GPBAR1: variants seen among roughly 807,000 people sequenced by gnomAD.
The protein encoded by GPBAR1 is G-protein coupled bile acid receptor 1.
In GPBAR1, 13 loss-of-function variants were observed where a neutral mutation model predicts 13.0. That is an observed-to-expected ratio of 1.00 (90% CI 0.65 to 1.59). The LOEUF (loss-of-function observed/expected upper bound fraction) is 1.59, where lower values mean the gene tolerates loss of function less well. GPBAR1 is among the 40% of genes most tolerant of loss of function. GPBAR1 has a pLI of 0.00. For missense variants in GPBAR1, 398 were observed against 436.4 expected (o/e 0.91, Z 0.78); for synonymous variants, 193 against 205.2 (o/e 0.94, Z 0.51).
chr2:218,263,814 C>A lies in GPBAR1; in HGVS notation c.*97C>A. Reference sequence around the variant, plus strand: ...CCACTTCTCTGGATCAGAGACCCTGCCTCTGTTTGACCCCGCACTGACTGA... The same window carrying A: ...CCACTTCTCTGGATCAGAGACCCTGACTCTGTTTGACCCCGCACTGACTGA... On this transcript the variant is annotated 3_prime_UTR_variant, in exon 2 of 2. Coordinates refer to ENST00000519574, the MANE Select transcript of GPBAR1 (RefSeq NM_170699.3). The surrounding 1 kb of genome is among the most constrained non-coding windows in gnomAD (Gnocchi z 4.2). 7.0e-7 allele frequency: 1 copy of A among 1,425,250 alleles called. No homozygotes were observed. Among genetic ancestry groups the A allele is most frequent in the Non-Finnish European group, 9.9e-7 (1 of 1,011,478 alleles). 88.3% of individuals were successfully genotyped at this position (1,425,250 alleles called of 1,614,324 possible).
chr2:218,263,573 C>A lies in GPBAR1; in HGVS notation c.849C>A (p.Gly283=). Residue 283 remains glycine, a synonymous_variant, in exon 2 of 2, where the codon GGC becomes GGA. Coordinates refer to ENST00000519574, the MANE Select transcript of GPBAR1 (RefSeq NM_170699.3). This position sits in a 1 kb window ranked among gnomAD's most constrained non-coding sequence, Gnocchi z 4.2. ...AAAVPVAMGL[G]DQRYTAPWRA... ...CAGTGCCCGTAGCCATGGGGCTGGG[C>A]GATCAGCGCTACACAGCCCCCTGGA... 1.2e-6 allele frequency: 2 copies of A among 1,612,468 alleles called. No homozygotes were observed.
chr2:218,263,504 G>A lies in GPBAR1; in HGVS notation c.780G>A (p.Gly260=), dbSNP rs559026699. Residue 260 remains glycine, a synonymous_variant, in exon 2 of 2, where the codon GGG becomes GGA. Coordinates refer to ENST00000519574, the MANE Select transcript of GPBAR1 (RefSeq NM_170699.3). This position sits in a 1 kb window ranked among gnomAD's most constrained non-coding sequence, Gnocchi z 4.2. ...AYEQRPPLGP[G]TLLSLLSLGS... ...AGCAGCGCCCGCCACTGGGGCCTGG[G>A]ACACTGTTGTCCCTCCTCTCCCTAG... is the stretch of plus-strand genomic sequence containing the variant. 3.7e-6 allele frequency: 6 copies of A among 1,611,440 alleles called. No individual in the cohort carries two copies. The East Asian group carries it at 1.3e-4, about 36-fold the overall frequency.
chr2:218,259,522 ACCGGC>A (rs1397965753), upstream of GPBAR1: 4 of 152,464 alleles, frequency 2.6e-5, no homozygotes, highest in African/African-American at 9.6e-5. Context: ...GGTTCTGAGG[ACCGGC>A]CCTGGAACCC....
In GPBAR1 at chr2:218,262,471, A is replaced by G; in HGVS notation, c.-45-209A>G. ...CCGGCTGGTTGCTACCACACAGGAC[A>G]TATGTGTTGCCAGACCTGAATTTTC... On this transcript the variant is annotated intron_variant, in intron 1 of 1. Coordinates refer to ENST00000519574, the MANE Select transcript of GPBAR1 (RefSeq NM_170699.3). This position sits in a 1 kb window ranked among gnomAD's most constrained non-coding sequence, Gnocchi z 5.1. 1.9e-6 allele frequency: 1 copy of G among 539,046 alleles called. No individual in the cohort carries two copies. Among genetic ancestry groups the G allele is most frequent in the Non-Finnish European group, 3.3e-6 (1 of 303,584 alleles). The allele number at this position is 539,046 out of a possible 1,614,324, so 33.4% of individuals were successfully genotyped here.
Position 218,262,939 on chromosome 2 carries a change from C to G in GPBAR1, c.215C>G (p.Pro72Arg), listed in dbSNP as rs1690474995. Residue 72 changes from proline (P) to arginine (R), a missense_variant, in exon 2 of 2, where the codon CCA (proline) becomes CGA (arginine). Coordinates refer to ENST00000519574, the MANE Select transcript of GPBAR1 (RefSeq NM_170699.3). The surrounding 1 kb of genome is among the most constrained non-coding windows in gnomAD (Gnocchi z 5.1). ...ACGGGTCTGGCATTGCCCACATTGC[C>G]AGGGCTGTGGAACCAGAGTCGCCGG... ...LLTGLALPTL[P>R]GLWNQSRRGY... The G allele has an allele frequency of 6.2e-7, 1 of 1,613,858 alleles. No individual in the cohort carries two copies. The highest frequency in any genetic ancestry group is 1.7e-5 in the Admixed American group (1 of 60,004).
Position 218,263,098 on chromosome 2 carries a change from G to A in GPBAR1, c.374G>A (p.Arg125Gln), listed in dbSNP as rs201157758. The change falls in exon 2 of 2, where the codon CGG becomes CAG. Residue 125 changes from arginine (R) to glutamine (Q), a missense_variant. Physicochemically the swap from Arg to Gln is conservative, Grantham distance 43. Transcript: ENST00000519574. This position sits in a 1 kb window ranked among gnomAD's most constrained non-coding sequence, Gnocchi z 4.2. ...CCACTCCAGCCCCCTGGGAGCATTC[G>A]GCTGGCCCTGCTCCTCACCTGGGCT... ...LRPLQPPGSIRLALLLTWAGP... is the reference protein window; with the variant it reads ...LRPLQPPGSIQLALLLTWAGP... The A allele has an allele frequency of 2.0e-5, 32 of 1,612,758 alleles. No individual in the cohort carries two copies. Among genetic ancestry groups the A allele is most frequent in the Middle Eastern group, 1.6e-4 (1 of 6,084 alleles).
At chr2:218,261,650 G>A (rs888336439) in intron 1 of GPBAR1, among the ~76,000 whole-genome samples, 7 of 152,170 alleles carry the variant, frequency 4.6e-5, no homozygotes, top group South Asian at 4.1e-4. Flanking sequence ...ACCTGGGAAG[G>A]AAGGGGAGCA....
In GPBAR1 at chr2:218,262,509, A is replaced by G. The variant is rs1379150564; in HGVS notation, c.-45-171A>G. 1.7e-6 allele frequency: 1 copy of G among 579,348 alleles called. No homozygotes were observed. Among genetic ancestry groups the G allele is most frequent in the African/African-American group, 1.9e-5 (1 of 53,664 alleles). 35.9% of individuals were successfully genotyped at this position (579,348 alleles called of 1,614,324 possible). ...GACCTGAATTTTCAATAGAAACCAA[A>G]GATAGTTTTTTATATAAATGTTTAA... On this transcript the variant is annotated intron_variant, in intron 1 of 1. Coordinates refer to ENST00000519574, the MANE Select transcript of GPBAR1 (RefSeq NM_170699.3). The surrounding 1 kb of genome is among the most constrained non-coding windows in gnomAD (Gnocchi z 5.1).
Position 218,263,617 on chromosome 2 carries a change from G to A in GPBAR1, c.893G>A (p.Cys298Tyr), listed in dbSNP as rs1268083473. ...TAPWRAAAQR[C>Y]LQGLWGRASR... Reference sequence around the variant, plus strand: ...CCCTGGAGGGCAGCCGCCCAAAGGTGCCTGCAGGGGCTGTGGGGAAGAGCC... The same window carrying A: ...CCCTGGAGGGCAGCCGCCCAAAGGTACCTGCAGGGGCTGTGGGGAAGAGCC... Residue 298 changes from cysteine to tyrosine, a missense_variant, in exon 2 of 2, where the codon TGC (cysteine) becomes TAC (tyrosine). Physicochemically the swap from Cys to Tyr is radical, Grantham distance 194 (BLOSUM62 -2). Transcript: ENST00000519574. This position sits in a 1 kb window ranked among gnomAD's most constrained non-coding sequence, Gnocchi z 4.2. 1 of 1,612,878 alleles carries A rather than the reference G, an allele frequency of 6.2e-7. No homozygotes were observed. The highest frequency in any genetic ancestry group is 1.3e-5 in the African/African-American group (1 of 75,070).
chr2:218,262,693 C>T lies in GPBAR1; in HGVS notation c.-32C>T, dbSNP rs1447475902. ...CCCATCCTGCAGGCATGCCGGCTGC[C>T]GCTCCAGGACTCCCCTGTCCCCAGG... On this transcript the variant is annotated 5_prime_UTR_variant, in exon 2 of 2. Coordinates refer to ENST00000519574, the MANE Select transcript of GPBAR1 (RefSeq NM_170699.3). The surrounding 1 kb of genome is among the most constrained non-coding windows in gnomAD (Gnocchi z 5.1). 6.6e-6 allele frequency: 10 copies of T among 1,518,820 alleles called. No individual in the cohort carries two copies. Among genetic ancestry groups the T allele is most frequent in the African/African-American group, 4.1e-5 (3 of 72,678 alleles). 94.1% of individuals were successfully genotyped at this position (1,518,820 alleles called of 1,614,324 possible). A position where few individuals can be genotyped will look rare whatever the true frequency, so the allele number is the denominator to read the frequency against.
At position 218,263,048 on chromosome 2, in the gene GPBAR1, G is replaced by A. The variant is rs201091893; in HGVS notation, c.324G>A (p.Gly108=). The part of the protein sequence containing the change: ...SLLANLLLVH[G]ERYMAVLRPL... ...TTGCCAACCTCTTGCTGGTGCACGG[G>A]GAGCGCTACATGGCAGTCCTGAGGC... Residue 108 remains glycine (G), a synonymous_variant, in exon 2 of 2, where the codon GGG becomes GGA. Coordinates refer to ENST00000519574, the MANE Select transcript of GPBAR1 (RefSeq NM_170699.3). The surrounding 1 kb of genome is among the most constrained non-coding windows in gnomAD (Gnocchi z 4.2). 72 of 1,613,570 alleles carry A rather than the reference G, an allele frequency of 4.5e-5. No homozygotes were observed. Among genetic ancestry groups the A allele is most frequent in the Non-Finnish European group, 6.0e-5 (71 of 1,179,854 alleles).
chr2:218,263,429 G>C lies in GPBAR1; in HGVS notation c.705G>C (p.Leu235=). The C allele has an allele frequency of 6.2e-7, 1 of 1,603,112 alleles. No homozygotes were observed. The highest frequency in any genetic ancestry group is 8.5e-7 in the Non-Finnish European group (1 of 1,175,786). ...CTGGAGCCATGCTGCTCTTCGGGCT[G>C]TGCTGGGGGCCCTACGTGGCCACAC... The part of the protein sequence containing the change: ...AQAGAMLLFG[L]CWGPYVATLL... The change falls in exon 2 of 2, where the codon CTG becomes CTC. Residue 235 remains leucine (L), a synonymous_variant. Transcript: ENST00000519574. The surrounding 1 kb of genome is among the most constrained non-coding windows in gnomAD (Gnocchi z 4.2).
rs769777368 is a variant in GPBAR1 at position 218,263,488 on chromosome 2, C to G, written c.764C>G (p.Pro255Arg). The G allele has an allele frequency of 3.1e-6, 5 of 1,610,106 alleles. No homozygotes were observed. In the Admixed American group the frequency reaches 6.7e-5, roughly 22 times the overall value. ...TCAGTCCTGGCCTATGAGCAGCGCC[C>G]GCCACTGGGGCCTGGGACACTGTTG... ...LLSVLAYEQR[P>R]PLGPGTLLSL... Residue 255 changes from proline to arginine, a missense_variant, in exon 2 of 2, where the codon CCG becomes CGG. Pro to Arg is a moderately radical substitution (Grantham distance 103, BLOSUM62 -2). Coordinates refer to ENST00000519574, the MANE Select transcript of GPBAR1 (RefSeq NM_170699.3). This position sits in a 1 kb window ranked among gnomAD's most constrained non-coding sequence, Gnocchi z 4.2.
At position 218,263,817 on chromosome 2, in the gene GPBAR1, C is replaced by G; in HGVS notation, c.*100C>G. On this transcript the variant is annotated 3_prime_UTR_variant, in exon 2 of 2. Coordinates refer to ENST00000519574, the MANE Select transcript of GPBAR1 (RefSeq NM_170699.3). The surrounding 1 kb of genome is among the most constrained non-coding windows in gnomAD (Gnocchi z 4.2). ...CTTCTCTGGATCAGAGACCCTGCCT[C>G]TGTTTGACCCCGCACTGACTGAATA... 2.2e-6 allele frequency: 3 copies of G among 1,379,322 alleles called. No individual in the cohort carries two copies. Among genetic ancestry groups the G allele is most frequent in the African/African-American group, 2.9e-5 (2 of 70,070 alleles). 85.4% of individuals were successfully genotyped at this position (1,379,322 alleles called of 1,614,324 possible).
chr2:218,263,309 G>A lies in GPBAR1; in HGVS notation c.585G>A (p.Gln195=). The part of the protein sequence containing the change: ...SVRVLATAHR[Q]LQDICRLERA... ...GCGTGCTGGCCACTGCCCACCGCCA[G>A]CTGCAGGACATCTGCCGGCTGGAGC... is the stretch of plus-strand genomic sequence containing the variant. The change falls in exon 2 of 2, where the codon CAG becomes CAA. Residue 195 remains glutamine, a synonymous_variant. Transcript: ENST00000519574. The surrounding 1 kb of genome is among the most constrained non-coding windows in gnomAD (Gnocchi z 4.2). The A allele has an allele frequency of 1.9e-6, 3 of 1,605,492 alleles. No homozygotes were observed. The highest frequency in any genetic ancestry group is 2.5e-6 in the Non-Finnish European group (3 of 1,178,482).
rs762365546 is a variant in GPBAR1 at position 218,263,435 on chromosome 2, G to A, written c.711G>A (p.Trp237Ter). 6.2e-7 allele frequency: 1 copy of A among 1,602,892 alleles called. No homozygotes were observed. The highest frequency in any genetic ancestry group is 1.1e-5 in the South Asian group (1 of 89,628). Residue 237 changes from tryptophan (W) to a stop codon, truncating the protein, a stop_gained, in exon 2 of 2, where the codon TGG (tryptophan) becomes TGA (stop). Coordinates refer to ENST00000519574, the MANE Select transcript of GPBAR1 (RefSeq NM_170699.3). LOFTEE classifies it high-confidence loss of function. This position sits in a 1 kb window ranked among gnomAD's most constrained non-coding sequence, Gnocchi z 4.2. ...AGAMLLFGLC[W>*]GPYVATLLLS... ...CCATGCTGCTCTTCGGGCTGTGCTG[G>A]GGGCCCTACGTGGCCACACTGCTCC... is the stretch of plus-strand genomic sequence containing the variant.
chr2:218,262,735 A>G lies in GPBAR1; in HGVS notation c.11A>G (p.Asn4Ser), dbSNP rs201118648. 25 of 1,591,040 alleles carry G rather than the reference A, an allele frequency of 1.6e-5. No individual in the cohort carries two copies. The highest frequency in any genetic ancestry group is 2.1e-5 in the Non-Finnish European group (25 of 1,167,018). MTP[N>S]STGEVPSPIP... is the part of the protein sequence containing the mutation. ...GTCCCCAGGACCAAGATGACGCCCA[A>G]CAGCACTGGCGAGGTGCCCAGCCCC... is the stretch of plus-strand genomic sequence containing the variant. Residue 4 changes from asparagine to serine, a missense_variant, in exon 2 of 2, where the codon AAC becomes AGC. Asn to Ser is a conservative substitution (Grantham distance 46, BLOSUM62 1). Transcript: ENST00000519574. The surrounding 1 kb of genome is among the most constrained non-coding windows in gnomAD (Gnocchi z 5.1).
chr2:218,263,123 T>G lies in GPBAR1; in HGVS notation c.399T>G (p.Ala133=). 1 of 1,612,702 alleles carries G rather than the reference T, an allele frequency of 6.2e-7. No individual in the cohort carries two copies. The highest frequency in any genetic ancestry group is 1.7e-4 in the Middle Eastern group (1 of 6,060). ...GGCTGGCCCTGCTCCTCACCTGGGCTGGTCCCCTGCTCTTTGCCAGTCTGC... is the reference window on the plus strand; with the variant it reads ...GGCTGGCCCTGCTCCTCACCTGGGCGGGTCCCCTGCTCTTTGCCAGTCTGC... ...SIRLALLLTW[A]GPLLFASLPA... The change falls in exon 2 of 2, where the codon GCT becomes GCG. Residue 133 remains alanine, a synonymous_variant. Coordinates refer to ENST00000519574, the MANE Select transcript of GPBAR1 (RefSeq NM_170699.3). The surrounding 1 kb of genome is among the most constrained non-coding windows in gnomAD (Gnocchi z 4.2).
chr2:218,263,722 A>C lies in GPBAR1; in HGVS notation c.*5A>C, dbSNP rs1455270831. 8.7e-6 allele frequency: 14 copies of C among 1,612,792 alleles called. No homozygotes were observed. Among genetic ancestry groups the C allele is most frequent in the Non-Finnish European group, 1.1e-5 (13 of 1,179,866 alleles). ...GTCGACCTGGACTTGAACTAAAGGA[A>C]GGGCCTCTGCTGACTCCTACCAGAG... On this transcript the variant is annotated 3_prime_UTR_variant, in exon 2 of 2. Transcript: ENST00000519574. This position sits in a 1 kb window ranked among gnomAD's most constrained non-coding sequence, Gnocchi z 4.2.
Sources: gnomAD v4.1 joint callset for allele counts (sites outside exome capture counted in the v4.1 genomes callset) on GRCh38, gnomAD v4.1.1 for gene constraint, Gnocchi (gnomAD v3.1) non-coding constraint, MANE v1.5 for transcripts, NCBI Gene and HGNC (gene_info 2026-07-23, HGNC 2026-07-21) for gene names.